The following CSMD1 variants were observed in gnomAD, a reference collection of about 807,000 sequenced individuals.
CSMD1 encodes CUB and sushi domain-containing protein 1.
Under a neutral mutation model 417.5 loss-of-function variants are expected in CSMD1, and 213 were observed. The ratio of observed to expected loss-of-function variants is 0.51; its 90% CI spans 0.46 to 0.57. CSMD1 has a LOEUF of 0.57. CSMD1 is among the 20% of genes least tolerant of loss of function. CSMD1 has a pLI of 0.00. For synonymous variants in CSMD1, 2,862 were observed against 1,736.8 expected, an observed-to-expected ratio of 1.65 and a Z score of -16.11; for missense variants, 6,923 against 4,529.7, an observed-to-expected ratio of 1.53 and a Z score of -15.17.
In CSMD1 at chr8:4,463,008, G is replaced by C. The variant is rs112829981; in HGVS notation, c.303-42943C>G. 1.4e-3 allele frequency among the ~76,000 whole-genome samples: 213 copies of C among 152,160 alleles called. 2 individuals carry two copies. The highest frequency in any genetic ancestry group is 2.6e-3 in the Non-Finnish European group (176 of 67,990). On this transcript the variant is annotated intron_variant, in intron 2 of 69. Transcript: ENST00000635120. ...TTCAAAAAACATTAGAACAGAAAAAGATCTATAGAATAGGGAAAGTTTGCA... is the reference window on the plus strand; with the variant it reads ...TTCAAAAAACATTAGAACAGAAAAACATCTATAGAATAGGGAAAGTTTGCA...
At chr8:4,253,719 T>C (rs1027869537) in intron 3 of CSMD1, among the ~76,000 whole-genome samples, 6 of 151,624 alleles carry the variant, frequency 4.0e-5, no homozygotes, top group African/African-American at 1.2e-4. Context: ...AATGCTTAAC[T>C]ACACACATCA....
intron 42 of CSMD1, among the ~76,000 whole-genome samples, chr8:3,111,584 C>A (rs1273003149): frequency 6.6e-6 from 1 of 152,142 alleles, no homozygotes; most frequent in African/African-American, 2.4e-5. Context: ...GTAATCCCAG[C>A]ACTTTGGGAG....
intron 7 of CSMD1, among the ~76,000 whole-genome samples, chr8:3,694,853 C>A (rs183057005): frequency 1.3e-5 from 2 of 151,908 alleles, no homozygotes; most frequent in Non-Finnish European, 2.9e-5. Flanking sequence ...GAAGCAATAC[C>A]GGATCCTAAA....
chr8:4,071,982 G>A lies in CSMD1; in HGVS notation c.416-39883C>T, dbSNP rs570109289. Among the ~76,000 whole-genome samples, 40 of 152,132 alleles carry A rather than the reference G, an allele frequency of 2.6e-4. No homozygotes were observed. The East Asian group carries it at 7.0e-3, about 27-fold the overall frequency. Reference sequence around the variant, plus strand: ...CTCCAGTCTAGAGCTCTCCTTTCTGGGATTCCTCCCTCATTTTCTGGTGGA... The same window carrying A: ...CTCCAGTCTAGAGCTCTCCTTTCTGAGATTCCTCCCTCATTTTCTGGTGGA... On this transcript the variant is annotated intron_variant, in intron 3 of 69. Transcript: ENST00000635120.
chr8:4,067,297 C>T (rs941626767), intron 3 of CSMD1, among the ~76,000 whole-genome samples: 12 of 152,022 alleles, frequency 7.9e-5, no homozygotes, highest in Admixed American at 1.3e-4. Context: ...TTCAAATCTC[C>T]GCCATACTAA....
chr8:4,706,774 C>A (rs1210211435), intron 1 of CSMD1, among the ~76,000 whole-genome samples: 3 of 152,114 alleles, frequency 2.0e-5, no homozygotes, highest in African/African-American at 7.2e-5. Flanking sequence ...TCAGAGGCAA[C>A]AGAAGACGCA....
At chr8:4,804,874 C>G (rs1227238361) in intron 1 of CSMD1, among the ~76,000 whole-genome samples, 2 of 152,080 alleles carry the variant, frequency 1.3e-5, no homozygotes, top group Non-Finnish European at 2.9e-5. Context: ...CAGCCTGTAC[C>G]CAATCCTTCT....
intron 2 of CSMD1, among the ~76,000 whole-genome samples, chr8:4,456,119 A>ATTTTGCCAAATGCTCAG (rs1799466018): frequency 6.6e-6 from 1 of 150,414 alleles, no homozygotes; most frequent in Non-Finnish European, 1.5e-5. Context: ...AATAAGAAGG[A>ATTTTGCCAAATGCTCAG]CATTATGCCA....
At chr8:4,346,014 C>A (rs568074806) in intron 3 of CSMD1, among the ~76,000 whole-genome samples, 1 of 152,180 alleles carries the variant, frequency 6.6e-6, no homozygotes, top group Admixed American at 6.5e-5. Context: ...TATAAAATAA[C>A]GGAATATTAC....
chr8:4,122,393 C>G (rs925850477), intron 3 of CSMD1, among the ~76,000 whole-genome samples: 13 of 152,138 alleles, frequency 8.5e-5, no homozygotes, highest in African/African-American at 3.1e-4. Flanking sequence ...AGGCTGTACA[C>G]CAACATGATC....
intron 3 of CSMD1, among the ~76,000 whole-genome samples, chr8:4,036,516 A>G (rs1037539559): frequency 3.3e-5 from 5 of 152,230 alleles, no homozygotes; most frequent in Non-Finnish European, 5.9e-5. Context: ...TCCAAGAGAC[A>G]GCTACTACCA....
chr8:4,858,989 G>A (rs1185460847), intron 1 of CSMD1, among the ~76,000 whole-genome samples: 3 of 150,780 alleles, frequency 2.0e-5, no homozygotes, highest in Non-Finnish European at 4.5e-5. Flanking sequence ...CAAAGCTGGA[G>A]GCATCACGCT....
chr8:4,055,676 A>G (rs1425170244), intron 3 of CSMD1, among the ~76,000 whole-genome samples: 4 of 152,192 alleles, frequency 2.6e-5, no homozygotes, highest in African/African-American at 9.6e-5. Context: ...AATGCCACCA[A>G]AGTAACAATA....
rs1012148560 is a variant in CSMD1 at position 3,911,532 on chromosome 8, T to TAAAAA, written c.818+86366_818+86370dup. ...AACAGAGCAAGACTCCGTCTCAAAA[T>TAAAAA]AAAAAAAAAAAAAAAAGAAGAAGAA... On this transcript the variant is annotated intron_variant, in intron 5 of 69. Transcript: ENST00000635120. Among the ~76,000 whole-genome samples, 74 of 114,204 alleles carry TAAAAA rather than the reference T, an allele frequency of 6.5e-4. 1 individual carries two copies. The highest frequency in any genetic ancestry group is 2.1e-3 in the African/African-American group (73 of 35,480). The allele number at this position is 114,204 out of a possible 152,430, so 74.9% of individuals were successfully genotyped here.
intron 2 of CSMD1, among the ~76,000 whole-genome samples, chr8:4,520,036 T>C (rs1474048053): frequency 1.3e-5 from 2 of 151,864 alleles, no homozygotes; most frequent in African/African-American, 4.8e-5. Context: ...TAGAATAAAT[T>C]CTATGCTTGT....
intron 7 of CSMD1, among the ~76,000 whole-genome samples, chr8:3,687,859 A>G (rs1264864649): frequency 6.6e-6 from 1 of 152,240 alleles, no homozygotes; most frequent in Admixed American, 6.5e-5. Context: ...GTCTCCACTC[A>G]GTGAGGACCA....
intron 21 of CSMD1, among the ~76,000 whole-genome samples, chr8:3,356,289 G>A (rs1453103053): frequency 6.6e-6 from 1 of 152,210 alleles, no homozygotes. Context: ...ACCTTGTGAG[G>A]AAAGCAATTT....
chr8:4,489,215 T>G (rs765336342), intron 2 of CSMD1, among the ~76,000 whole-genome samples: 5 of 152,216 alleles, frequency 3.3e-5, no homozygotes, highest in Non-Finnish European at 5.9e-5. Flanking sequence ...CCCAGTCTAC[T>G]AAATACTTCT....
intron 4 of CSMD1, among the ~76,000 whole-genome samples, chr8:4,030,143 G>A (rs1043011370): frequency 5.9e-5 from 9 of 152,142 alleles, no homozygotes; most frequent in Admixed American, 4.6e-4. Flanking sequence ...GATGCAAGGT[G>A]TCAGTGGATC....
Sources: gnomAD v4.1 joint callset for allele counts (sites outside exome capture counted in the v4.1 genomes callset) on GRCh38, gnomAD v4.1.1 for gene constraint, MANE v1.5 for transcripts, NCBI Gene and HGNC (gene_info 2026-07-23, HGNC 2026-07-21) for gene names.